Variants in DIP2C observed in about 807,000 individuals in gnomAD.
DIP2C encodes the protein disco-interacting protein 2 homolog C.
A neutral mutation model predicts 192.4 loss-of-function variants in DIP2C; 33 were observed. That is an observed-to-expected ratio of 0.17 (90% CI 0.13 to 0.23). The LOEUF (loss-of-function observed/expected upper bound fraction) is 0.23, where lower values mean the gene tolerates loss of function less well. Among genes scored for constraint, DIP2C ranks in the 10% least tolerant of loss-of-function variants. The pLI is 1.00. For synonymous variants in DIP2C, 979 were observed against 864.1 expected, an observed-to-expected ratio of 1.13 and a Z score of -2.33; for missense variants, 1,537 against 2,110.1, an observed-to-expected ratio of 0.73 and a Z score of 5.32.
At position 324,147 on chromosome 10, in the gene DIP2C, T is replaced by C. The variant is rs535218946; in HGVS notation, c.3924+2859A>G. On this transcript the variant is annotated intron_variant, in intron 31 of 36. Transcript: ENST00000280886. Reference sequence around the variant, plus strand: ...CTCTCACTGCTCGCTTTTACTAAAATGAGTCACTTCCTGAAAAAATTATCT... The same window carrying C: ...CTCTCACTGCTCGCTTTTACTAAAACGAGTCACTTCCTGAAAAAATTATCT... Among the ~76,000 whole-genome samples, 8 of 152,334 alleles carry C rather than the reference T, an allele frequency of 5.3e-5. No homozygotes were observed. The East Asian group carries it at 1.2e-3, about 22-fold the overall frequency.
At chr10:541,701 C>T (rs940016609) in intron 1 of DIP2C, among the ~76,000 whole-genome samples, 1 of 149,520 alleles carries the variant, frequency 6.7e-6, no homozygotes, top group Non-Finnish European at 1.5e-5. Context: ...TCCACCTGAC[C>T]ACCCCCATCT....
At chr10:486,551 A>T (rs768507056) in intron 1 of DIP2C, 21 bp from the exon 2 acceptor site, 1 of 1,597,726 alleles carries the variant, frequency 6.3e-7, no homozygotes, top group African/African-American at 1.3e-5. Context: ...AGGAAAATGA[A>T]GTTCAGTATG....
chr10:467,745 T>C (rs1321964703), intron 3 of DIP2C, among the ~76,000 whole-genome samples: 2 of 151,316 alleles, frequency 1.3e-5, no homozygotes, highest in South Asian at 2.1e-4. Flanking sequence ...TAAATGGGAG[T>C]TGAACAATGA....
chr10:337,292 C>CCCAGG (rs1589523424), intron 29 of DIP2C, among the ~76,000 whole-genome samples: 1 of 117,436 alleles, frequency 8.5e-6, no homozygotes, highest in Non-Finnish European at 1.7e-5. Flanking sequence ...TCTGTGGAGG[C>CCCAGG]CTAGGCAGCT....
At chr10:502,388 C>G (rs1454785914) in intron 1 of DIP2C, among the ~76,000 whole-genome samples, 1 of 152,108 alleles carries the variant, frequency 6.6e-6, no homozygotes, top group East Asian at 1.9e-4. Context: ...AAATTAAAAT[C>G]TATGAAATGC....
At chr10:599,603 G>A (rs958059369) in intron 1 of DIP2C, among the ~76,000 whole-genome samples, 6 of 152,178 alleles carry the variant, frequency 3.9e-5, no homozygotes, top group African/African-American at 1.4e-4. Context: ...AACCTGAAAA[G>A]GGCAAAATCG....
intron 11 of DIP2C, 64 bp from the exon 12 acceptor site, chr10:390,437 C>T (rs1963367774): frequency 1.4e-6 from 2 of 1,471,626 alleles, no homozygotes; most frequent in Admixed American, 1.7e-5. Flanking sequence ...AGAATTTCTC[C>T]CCATTTATGT....
At chr10:642,113 G>T (rs1431771016) in intron 1 of DIP2C, among the ~76,000 whole-genome samples, 1 of 152,134 alleles carries the variant, frequency 6.6e-6, no homozygotes, top group East Asian at 1.9e-4. Context: ...ATATGATGAA[G>T]GAAATTATTT....
chr10:277,991 C>A (rs1017462763), intron 36 of DIP2C, among the ~76,000 whole-genome samples: 1 of 152,254 alleles, frequency 6.6e-6, no homozygotes, highest in Non-Finnish European at 1.5e-5. Context: ...TGCTTCCAGA[C>A]CCCCAGCTCT....
intron 1 of DIP2C, among the ~76,000 whole-genome samples, chr10:565,452 G>A (rs896602277): frequency 1.3e-5 from 2 of 151,172 alleles, no homozygotes; most frequent in Non-Finnish European, 2.9e-5. Flanking sequence ...GAAACTGTCA[G>A]CAACTACAGT....
At chr10:423,932 G>T (rs867649018) in intron 4 of DIP2C, among the ~76,000 whole-genome samples, 2 of 152,218 alleles carry the variant, frequency 1.3e-5, no homozygotes, top group Middle Eastern at 3.4e-3. Context: ...TCTCATTATT[G>T]ATTTTTCTAT....
At chr10:595,419 C>A (rs1851644706) in intron 1 of DIP2C, among the ~76,000 whole-genome samples, 1 of 152,094 alleles carries the variant, frequency 6.6e-6, no homozygotes, top group South Asian at 2.1e-4. Context: ...TTTTGTGAAA[C>A]CATGAAGAAA....
At chr10:673,841 G>A (rs894503728) in intron 1 of DIP2C, among the ~76,000 whole-genome samples, 6 of 152,146 alleles carry the variant, frequency 3.9e-5, no homozygotes, top group Non-Finnish European at 7.3e-5. Flanking sequence ...TGGCTACTAG[G>A]GGCGAAACAG....
At chr10:589,002 G>T (rs1398696778) in intron 1 of DIP2C, among the ~76,000 whole-genome samples, 1 of 152,224 alleles carries the variant, frequency 6.6e-6, no homozygotes, top group Non-Finnish European at 1.5e-5. Flanking sequence ...ACCACCTGGT[G>T]CTGAAGACCT....
At chr10:505,362 C>T (rs566277682) in intron 1 of DIP2C, among the ~76,000 whole-genome samples, 58 of 152,326 alleles carry the variant, frequency 3.8e-4, no homozygotes, top group South Asian at 3.3e-3. Flanking sequence ...ATTTGAGGAA[C>T]GGACAGGGGC....
At chr10:399,727 A>T (rs1351720747) in intron 9 of DIP2C, among the ~76,000 whole-genome samples, 1 of 152,212 alleles carries the variant, frequency 6.6e-6, no homozygotes, top group Non-Finnish European at 1.5e-5. Context: ...GGTCAAGGTC[A>T]AATGAGAGAA....
intron 5 of DIP2C, among the ~76,000 whole-genome samples, chr10:419,887 T>C (rs1318844023): frequency 6.6e-6 from 1 of 152,188 alleles, no homozygotes; most frequent in African/African-American, 2.4e-5. Context: ...CAGCACCCCC[T>C]GGAGATAAAG....
At chr10:296,734 T>C (rs9731043) in intron 32 of DIP2C, among the ~76,000 whole-genome samples, 150,366 of 152,052 alleles carry the variant, frequency 0.99, 74,372 homozygotes, top group Middle Eastern at 1. Flanking sequence ...TCATGTTCTT[T>C]GTAGGAACAT....
intron 17 of DIP2C, among the ~76,000 whole-genome samples, chr10:379,502 C>T (rs1200513048): frequency 2.0e-5 from 3 of 152,150 alleles, no homozygotes; most frequent in African/African-American, 4.8e-5. Context: ...TGGACCTTGA[C>T]GCCTGGAAGA....
Sources: gnomAD v4.1 joint callset for allele counts (sites outside exome capture counted in the v4.1 genomes callset) on GRCh38, gnomAD v4.1.1 for gene constraint, MANE v1.5 for transcripts, NCBI Gene and HGNC (gene_info 2026-07-23, HGNC 2026-07-21) for gene names.